The following BEGAIN variants were observed in gnomAD, a reference collection of about 807,000 sequenced individuals.
BEGAIN encodes the protein brain enriched guanylate kinase associated.
Under a neutral mutation model 35.8 loss-of-function variants are expected in BEGAIN, and 19 were observed. The ratio of observed to expected loss-of-function variants is 0.53; its 90% confidence interval spans 0.37 to 0.78. BEGAIN has a LOEUF of 0.78. Ranked by LOEUF, BEGAIN falls within the 30% of genes least tolerant of loss-of-function variation. BEGAIN has a pLI of 0.00. For synonymous variants in BEGAIN, 462 were observed against 388.6 expected, an observed-to-expected ratio of 1.19 and a Z score of -2.22; for missense variants, 795 against 853.6, an observed-to-expected ratio of 0.93 and a Z score of 0.85.
chr14:100,538,347 G>A lies in BEGAIN; in HGVS notation c.1461C>T (p.Tyr487=), dbSNP rs369236001. ...KKADGRASPL[Y]ASYKADSFSE... ...AGAAGCTGTCGGCCTTGTAGCTGGC[G>A]TAGAGCGGGCTGGCGCGGCCGTCGG... is the stretch of plus-strand genomic sequence containing the variant. The change falls in exon 7 of 7, where the codon TAC becomes TAT. Residue 487 remains tyrosine, a synonymous_variant. Coordinates refer to ENST00000554140, the MANE Select transcript of BEGAIN (RefSeq NM_001385089.1). 7.6e-5 allele frequency: 115 copies of A among 1,518,532 alleles called. No homozygotes were observed. The highest frequency in any genetic ancestry group is 3.5e-4 in the Middle Eastern group (2 of 5,706). The allele number at this position is 1,518,532 out of a possible 1,614,324, so 94.1% of individuals were successfully genotyped here.
chr14:100,562,777 C>G lies in BEGAIN; in HGVS notation c.71+5134G>C, dbSNP rs915886293. Among the ~76,000 whole-genome samples the G allele has an allele frequency of 3.3e-5, 5 of 152,152 alleles. No homozygotes were observed. The South Asian group carries it at 1.0e-3, about 32-fold the overall frequency. ...CGCTGTACAGGTCACCTGCTCCCCGCCCCCCACTCACTGCCTTCCTTTCTT... is the reference window on the plus strand; with the variant it reads ...CGCTGTACAGGTCACCTGCTCCCCGGCCCCCACTCACTGCCTTCCTTTCTT... On this transcript the variant is annotated intron_variant, in intron 2 of 6. Transcript: ENST00000554140.
intron 1 of BEGAIN, chr14:100,577,830 G>T (rs1408753121): frequency 1.3e-5 from 5 of 399,262 alleles, no homozygotes; most frequent in Admixed American, 4.4e-5. Context: ...GGCTTCGAAG[G>T]TCCTGTCTGT....
At position 100,568,869 on chromosome 14, in the gene BEGAIN, G is replaced by C. The variant is rs1381926867; in HGVS notation, c.43-930C>G. 7.2e-5 allele frequency: 71 copies of C among 985,738 alleles called. No homozygotes were observed. The highest frequency in any genetic ancestry group is 8.3e-5 in the Non-Finnish European group (69 of 830,516). The allele number at this position is 985,738 out of a possible 1,614,324, so 61.1% of individuals were successfully genotyped here. ...CGTGACTGGCACTCAAGGGGGACAG[G>C]GGTCCGAGCTCAGGGACCACGCGAC... On this transcript the variant is annotated intron_variant, in intron 1 of 6. Transcript: ENST00000554140. This position sits in a 1 kb window ranked among gnomAD's most constrained non-coding sequence, Gnocchi z 7.5.
Position 100,546,614 on chromosome 14 carries a change from G to A in BEGAIN, c.120C>T (p.Thr40=). The part of the protein sequence containing the change: ...KGELRKRLSY[T]THKLEKLETE... ...TCTCGAGCTTCTCGAGCTTGTGTGT[G>A]GTGTAGGACAGCCGCTTGCGCAGCT... The change falls in exon 3 of 7, where the codon ACC becomes ACT. Residue 40 remains threonine (T), a synonymous_variant. Transcript: ENST00000554140. The A allele has an allele frequency of 6.3e-7, 1 of 1,588,950 alleles. No individual in the cohort carries two copies.
At chr14:100,574,381 C>T (rs562989811) in intron 1 of BEGAIN, among the ~76,000 whole-genome samples, 16 of 152,324 alleles carry the variant, frequency 1.1e-4, no homozygotes, top group South Asian at 2.1e-4. Flanking sequence ...CTTGTCTAGG[C>T]TCTGTGTGAC....
At chr14:100,566,526 G>A (rs550957502) in intron 2 of BEGAIN, among the ~76,000 whole-genome samples, 1 of 152,258 alleles carries the variant, frequency 6.6e-6, no homozygotes, top group African/African-American at 2.4e-5. Context: ...CCCCCCACAG[G>A]CGGTACAACC....
chr14:100,570,360 A>G (rs10141071), intron 1 of BEGAIN, among the ~76,000 whole-genome samples: 3,682 of 152,280 alleles, frequency 0.024, 153 homozygotes, highest in African/African-American at 0.084. Context: ...ACAGGCAGGG[A>G]ACAGGCAGCC....
Position 100,538,102 on chromosome 14 carries a change from A to T in BEGAIN, c.1706T>A (p.Met569Lys), listed in dbSNP as rs746352153. ...GSRDSLEPSS[M>K]EASPEMHPAA... ...AGGATGCATTTCCGGGGAGGCCTCC[A>T]TGGAGCTCGGCTCCAAGGAGTCCCT... The change falls in exon 7 of 7, where the codon ATG becomes AAG. Residue 569 changes from methionine to lysine, a missense_variant. Physicochemically the swap from Met to Lys is moderately conservative, Grantham distance 95. This residue lies in a region of BEGAIN where 664 missense variants were observed against 647.7 expected (regional missense o/e 1.03). Coordinates refer to ENST00000554140, the MANE Select transcript of BEGAIN (RefSeq NM_001385089.1). 2 of 1,577,218 alleles carry T rather than the reference A, an allele frequency of 1.3e-6. No individual in the cohort carries two copies. The highest frequency in any genetic ancestry group is 1.7e-6 in the Non-Finnish European group (2 of 1,163,428).
At chr14:100,575,297 A>T (rs1192557149) in intron 1 of BEGAIN, among the ~76,000 whole-genome samples, 1 of 152,198 alleles carries the variant, frequency 6.6e-6, no homozygotes, top group African/African-American at 2.4e-5. Context: ...GGAAGGTACG[A>T]GGCACACAGT....
chr14:100,578,307 C>T (rs947021023), intron 1 of BEGAIN, among the ~76,000 whole-genome samples: 3 of 152,248 alleles, frequency 2.0e-5, no homozygotes, highest in African/African-American at 7.2e-5. Context: ...ATCTCCTCTG[C>T]CAGGTGCGGT....
intron 1 of BEGAIN, among the ~76,000 whole-genome samples, chr14:100,584,177 CCCCAGGCAAAG>C (rs2035386174): frequency 6.6e-6 from 1 of 152,204 alleles, no homozygotes; most frequent in Admixed American, 6.5e-5. Flanking sequence ...TGTCTGGCTT[CCCCAGGCAAAG>C]CCCAGGCCTG....
intron 2 of BEGAIN, among the ~76,000 whole-genome samples, chr14:100,551,131 C>T (rs1021961902): frequency 7.9e-5 from 12 of 152,202 alleles, no homozygotes; most frequent in South Asian, 2.1e-4. Flanking sequence ...GTTAGGGATC[C>T]GGGGTCCACT....
rs750258133 is a variant in BEGAIN at position 100,546,674 on chromosome 14, T to TGGC, written c.72-15_72-13dup. 2 of 1,530,078 alleles carry TGGC rather than the reference T, an allele frequency of 1.3e-6. No homozygotes were observed. The highest frequency in any genetic ancestry group is 1.4e-5 in the African/African-American group (1 of 69,290). The allele number at this position is 1,530,078 out of a possible 1,614,324, so 94.8% of individuals were successfully genotyped here. Reference sequence around the variant, plus strand: ...GCTCCTGCAGCGCGCTGCAACGACATGGCGGCGGCGGGCCGGGCCGCGGCG... The same window carrying TGGC: ...GCTCCTGCAGCGCGCTGCAACGACATGGCGGCGGCGGCGGGCCGGGCCGCGGCG... On this transcript the variant is annotated splice_polypyrimidine_tract_variant and intron_variant, in intron 2 of 6. Transcript: ENST00000554140.
At chr14:100,544,226 C>T (rs1326225834) in intron 4 of BEGAIN, among the ~76,000 whole-genome samples, 2 of 152,180 alleles carry the variant, frequency 1.3e-5, no homozygotes, top group Non-Finnish European at 2.9e-5. Flanking sequence ...CAGCGTCCTG[C>T]CTCAGGAGCT....
chr14:100,577,795 C>T (rs548854126), intron 1 of BEGAIN: 24 of 399,210 alleles, frequency 6.0e-5, no homozygotes, highest in East Asian at 2.8e-4. Context: ...CTTGGGGTTC[C>T]GACCTTGGCT....
rs894189103 is a variant in BEGAIN, at chr14:100,538,526, G to T, written c.1282C>A (p.Leu428Ile). The T allele has an allele frequency of 6.6e-7, 1 of 1,518,718 alleles. No individual in the cohort carries two copies. Among genetic ancestry groups the T allele is most frequent in the African/African-American group, 1.4e-5 (1 of 72,408 alleles). The allele number at this position is 1,518,718 out of a possible 1,614,324, so 94.1% of individuals were successfully genotyped here. Reference protein sequence around the residue: ...SLRAKPGTARLPGEDMRGQWR... With the variant: ...SLRAKPGTARIPGEDMRGQWR... Reference sequence around the variant, plus strand: ...TGGCCCCTCATGTCCTCCCCGGGGAGCCGGGCGGTCCCCGGCTTGGCCCGC... The same window carrying T: ...TGGCCCCTCATGTCCTCCCCGGGGATCCGGGCGGTCCCCGGCTTGGCCCGC... Residue 428 changes from leucine to isoleucine, a missense_variant, in exon 7 of 7, where the codon CTC becomes ATC. Leu to Ile is a conservative substitution (Grantham distance 5). Transcript: ENST00000554140.
chr14:100,538,342 C>A lies in BEGAIN; in HGVS notation c.1466G>T (p.Ser489Ile), dbSNP rs766820246. The change falls in exon 7 of 7, where the codon AGC (serine) becomes ATC (isoleucine). Residue 489 changes from serine (S) to isoleucine (I), a missense_variant. Physicochemically the swap from Ser to Ile is moderately radical, Grantham distance 142. Coordinates refer to ENST00000554140, the MANE Select transcript of BEGAIN (RefSeq NM_001385089.1). ...CTCGGAGAAGCTGTCGGCCTTGTAG[C>A]TGGCGTAGAGCGGGCTGGCGCGGCC... ...ADGRASPLYA[S>I]YKADSFSEGD... is the part of the protein sequence containing the mutation. 1.5e-5 allele frequency: 23 copies of A among 1,517,996 alleles called. 1 individual carries two copies. In the South Asian group the frequency reaches 2.7e-4, roughly 18 times the overall value. The allele number at this position is 1,517,996 out of a possible 1,614,324, so 94.0% of individuals were successfully genotyped here. A position where few individuals can be genotyped will look rare whatever the true frequency, so the allele number is the denominator to read the frequency against.
In BEGAIN at chr14:100,538,090, G is replaced by A. The variant is rs571418874; in HGVS notation, c.1718C>T (p.Pro573Leu). The A allele has an allele frequency of 1.3e-6, 2 of 1,585,182 alleles. No individual in the cohort carries two copies. The highest frequency in any genetic ancestry group is 8.6e-7 in the Non-Finnish European group (1 of 1,167,664). The change falls in exon 7 of 7, where the codon CCG becomes CTG. Residue 573 changes from proline (P) to leucine (L), a missense_variant. Transcript: ENST00000554140. Reference sequence around the variant, plus strand: ...GAGGCGGGCGGCAGGATGCATTTCCGGGGAGGCCTCCATGGAGCTCGGCTC... The same window carrying A: ...GAGGCGGGCGGCAGGATGCATTTCCAGGGAGGCCTCCATGGAGCTCGGCTC... ...SLEPSSMEAS[P>L]EMHPAARLSP...
rs1298006582 is a variant in BEGAIN at position 100,563,266 on chromosome 14, A to G, written c.71+4645T>C. On this transcript the variant is annotated intron_variant, in intron 2 of 6. Transcript: ENST00000554140. The surrounding 1 kb of genome is among the most constrained non-coding windows in gnomAD (Gnocchi z 4.2). ...CAAAACCAGAACCAAAAAGGAGCTC[A>G]ACCTTGACCTCTAACCACATGCAAA... Among the ~76,000 whole-genome samples, 2 of 152,218 alleles carry G rather than the reference A, an allele frequency of 1.3e-5. No individual in the cohort carries two copies. The highest frequency in any genetic ancestry group is 3.8e-4 in the East Asian group (2 of 5,202).
Sources: gnomAD v4.1 joint callset for allele counts (sites outside exome capture counted in the v4.1 genomes callset) on GRCh38, gnomAD v4.1.1 for gene constraint, gnomAD v4.1.1 regional missense constraint, Gnocchi (gnomAD v3.1) non-coding constraint, MANE v1.5 for transcripts, NCBI Gene and HGNC (gene_info 2026-07-23, HGNC 2026-07-21) for gene names.